The following PRDM11 variants were observed in gnomAD, a reference collection of about 807,000 sequenced individuals.
PRDM11 encodes the protein PR/SET domain 11, also known as PR domain-containing protein 11.
A neutral mutation model predicts 97.8 loss-of-function variants in PRDM11; 20 were observed. The ratio of observed to expected loss-of-function variants is 0.20; its 90% CI spans 0.14 to 0.30. PRDM11 has a LOEUF of 0.30. Among genes scored for constraint, PRDM11 ranks in the 10% least tolerant of loss-of-function variants. The probability of loss-of-function intolerance (pLI) is 1.00; values close to 1 mark genes in which losing one functional copy is unlikely to be tolerated. For missense variants in PRDM11, 1,139 were observed against 1,555.2 expected, an observed-to-expected ratio of 0.73 and a Z score of 4.50; for synonymous variants, 599 against 637.7, an observed-to-expected ratio of 0.94 and a Z score of 0.91.
Position 45,224,717 on chromosome 11 carries a change from A to G in PRDM11, c.1243A>G (p.Ile415Val), listed in dbSNP as rs759850520. 2 of 1,614,160 alleles carry G rather than the reference A, an allele frequency of 1.2e-6. No homozygotes were observed. The highest frequency in any genetic ancestry group is 2.2e-5 in the East Asian group (1 of 44,870). The stretch of plus-strand genomic sequence containing the variant: ...CACCACCTCTTTTTGCCCTAACTGT[A>G]TTCGCCTAAAGAAGAAGGTTCGGGA... Reference protein sequence around the residue: ...LPTTSFCPNCIRLKKKVRELQ... With the variant: ...LPTTSFCPNCVRLKKKVRELQ... The change falls in exon 7 of 8, where the codon ATT becomes GTT. Residue 415 changes from isoleucine to valine, a missense_variant. By Grantham distance (29) the Ile-to-Val change is conservative (BLOSUM62 3). Transcript: ENST00000683152.
intron 6 of PRDM11, among the ~76,000 whole-genome samples, chr11:45,223,560 G>A (rs919385669): frequency 6.6e-6 from 1 of 152,142 alleles, no homozygotes; most frequent in Non-Finnish European, 1.5e-5. Flanking sequence ...CAGCGCCATA[G>A]GTCTCCTTGT....
intron 1 of PRDM11, among the ~76,000 whole-genome samples, chr11:45,106,146 G>A (rs1852057634): frequency 6.6e-6 from 1 of 152,198 alleles, no homozygotes; most frequent in South Asian, 2.1e-4. Flanking sequence ...CAGAGGGAAG[G>A]AAAGGGCCTC....
chr11:45,119,619 C>CAAAAAAAAAAAAAAAAAA (rs56367204), intron 1 of PRDM11, among the ~76,000 whole-genome samples: 3 of 43,058 alleles, frequency 7.0e-5, no homozygotes, highest in African/African-American at 4.0e-4. Flanking sequence ...GATTCTGTCT[C>CAAAAAAAAAAAAAAAAAA]AAAAAAAAAA....
At chr11:45,180,965 G>A (rs1395973914) in intron 1 of PRDM11, among the ~76,000 whole-genome samples, 7 of 152,128 alleles carry the variant, frequency 4.6e-5, no homozygotes, top group Non-Finnish European at 1.0e-4. Context: ...GGGAGCAGGG[G>A]GCTGATTAGC....
chr11:45,200,831 G>C (rs1393368149), intron 4 of PRDM11, among the ~76,000 whole-genome samples: 1 of 152,172 alleles, frequency 6.6e-6, no homozygotes, highest in African/African-American at 2.4e-5. Context: ...AAAACACAAA[G>C]GCAGTACAGT....
At chr11:45,210,137 T>G (rs1031008712) in intron 5 of PRDM11, among the ~76,000 whole-genome samples, 1 of 152,154 alleles carries the variant, frequency 6.6e-6, no homozygotes, top group Non-Finnish European at 1.5e-5. Flanking sequence ...AGTTCCTTTC[T>G]GTGTCTGGTC....
Position 45,231,742 on chromosome 11 carries a change from C to T in PRDM11, c.*3583C>T. 1 of 151,736 alleles carries T rather than the reference C, an allele frequency of 6.6e-6. No homozygotes were observed. The allele number at this position is 151,736 out of a possible 1,614,324, so 9.4% of individuals were successfully genotyped here. ...CCACTGCCATCTAGTATCTGTGAAACATGAGGACAGCGCAGTCAAGTCTGT... is the reference window on the plus strand; with the variant it reads ...CCACTGCCATCTAGTATCTGTGAAATATGAGGACAGCGCAGTCAAGTCTGT... On this transcript the variant is annotated 3_prime_UTR_variant, in exon 8 of 8. Coordinates refer to ENST00000683152, the MANE Select transcript of PRDM11 (RefSeq NM_001384648.1).
chr11:45,111,706 C>T lies in PRDM11; in HGVS notation c.96+15805C>T, dbSNP rs115200295. Among the ~76,000 whole-genome samples, 922 of 152,200 alleles carry T rather than the reference C, an allele frequency of 6.1e-3. 11 individuals carry two copies. The highest frequency in any genetic ancestry group is 0.021 in the African/African-American group (874 of 41,516). On this transcript the variant is annotated intron_variant, in intron 1 of 6. Coordinates refer to the PRDM11 transcript ENST00000530656. ...TGCACTCGAACCCTCCGGGCTCTGT[C>T]GATTTGAAAGGTTTTGTTCCCGAGG...
intron 2 of PRDM11, 119 bp downstream of exon 2, chr11:45,182,004 C>G: frequency 1.1e-6 from 1 of 949,526 alleles, no homozygotes; most frequent in East Asian, 2.6e-5. Context: ...TAACCCTGCT[C>G]CCGGCAGCTC....
intron 1 of PRDM11, among the ~76,000 whole-genome samples, chr11:45,133,415 T>C (rs1188146887): frequency 6.6e-6 from 1 of 152,258 alleles, no homozygotes; most frequent in African/African-American, 2.4e-5. Flanking sequence ...GTTCCCAAGA[T>C]GACTTGCTTT....
chr11:45,123,821 G>A (rs1450137426), intron 1 of PRDM11, among the ~76,000 whole-genome samples: 21 of 151,904 alleles, frequency 1.4e-4, no homozygotes, highest in Middle Eastern at 3.2e-3. Flanking sequence ...TTGACTTGGC[G>A]ATGCAGGCTC....
At chr11:45,138,735 TAAAC>T (rs1466362061) in intron 1 of PRDM11, among the ~76,000 whole-genome samples, 1 of 152,096 alleles carries the variant, frequency 6.6e-6, no homozygotes, top group Non-Finnish European at 1.5e-5. Context: ...GTCAGATATT[TAAAC>T]AAACAAACAA....
chr11:45,129,147 G>A (rs981675963), intron 1 of PRDM11, among the ~76,000 whole-genome samples: 3 of 152,056 alleles, frequency 2.0e-5, no homozygotes, highest in Non-Finnish European at 4.4e-5. Context: ...GGAATAGAAA[G>A]GAACTTTTCT....
At chr11:45,216,932 G>T (rs992314917) in intron 5 of PRDM11, among the ~76,000 whole-genome samples, 5 of 152,314 alleles carry the variant, frequency 3.3e-5, no homozygotes, top group Non-Finnish European at 5.9e-5. Flanking sequence ...AAGTGTCAGA[G>T]AAATAATTCT....
intron 4 of PRDM11, among the ~76,000 whole-genome samples, chr11:45,186,915 T>C (rs971536699): frequency 1.3e-5 from 2 of 152,176 alleles, no homozygotes; most frequent in Non-Finnish European, 2.9e-5. Context: ...ACTTCCCTTA[T>C]TGGGAGACAT....
intron 1 of PRDM11, among the ~76,000 whole-genome samples, chr11:45,178,073 A>C (rs148788725): frequency 1.3e-5 from 2 of 152,224 alleles, no homozygotes; most frequent in African/African-American, 4.8e-5. Flanking sequence ...ATGATTTAAG[A>C]CAGGAAAACG....
chr11:45,210,350 C>T (rs1853682459), intron 5 of PRDM11, among the ~76,000 whole-genome samples: 1 of 152,236 alleles, frequency 6.6e-6, no homozygotes. Context: ...GCCAGGGCCC[C>T]AGCGGCCGAG....
At chr11:45,146,205 C>A (rs1465576006), upstream of PRDM11, among the ~76,000 whole-genome samples, 2 of 152,262 alleles carry the variant, frequency 1.3e-5, no homozygotes, top group Middle Eastern at 3.4e-3. Flanking sequence ...TTAAATGGGA[C>A]CGGGAGGGGG....
intron 1 of PRDM11, among the ~76,000 whole-genome samples, chr11:45,115,634 A>G (rs79545225): frequency 7.9e-5 from 12 of 152,322 alleles, no homozygotes; most frequent in Non-Finnish European, 8.8e-5. Context: ...TGCAAGCATT[A>G]GAAAGCTAGA....
Sources: gnomAD v4.1 joint callset for allele counts (sites outside exome capture counted in the v4.1 genomes callset) on GRCh38, gnomAD v4.1.1 for gene constraint, MANE v1.5 for transcripts, NCBI Gene and HGNC (gene_info 2026-07-23, HGNC 2026-07-21) for gene names.